Variants in DACH2 observed in about 807,000 individuals in gnomAD.
The protein encoded by DACH2 is dachshund family transcription factor 2.
Under a neutral mutation model 35.8 loss-of-function variants are expected in DACH2, and 17 were observed. The observed-to-expected ratio is 0.48, with a 90% CI of 0.33 to 0.71. The LOEUF (loss-of-function observed/expected upper bound fraction) is 0.71, where lower values mean the gene tolerates loss of function less well. DACH2 is among the 30% of genes least tolerant of loss of function. The pLI is 0.02. For synonymous variants in DACH2, 195 were observed against 177.3 expected, an observed-to-expected ratio of 1.10 and a Z score of -0.79; for missense variants, 469 against 472.7, an observed-to-expected ratio of 0.99 and a Z score of 0.07.
intron 3 of DACH2, among the ~76,000 whole-genome samples, chrX:86,601,629 A>G (rs2039790783): frequency 8.9e-6 from 1 of 112,260 alleles, no homozygotes; most frequent in African/African-American, 3.2e-5. Flanking sequence ...TTGAAAACAC[A>G]AATATAACTG....
At chrX:86,642,842 T>C (rs949505798) in intron 3 of DACH2, among the ~76,000 whole-genome samples, 2 of 111,527 alleles carry the variant, frequency 1.8e-5, no homozygotes, top group African/African-American at 6.5e-5. Context: ...TTAAACAACA[T>C]GCTCCTGAAA....
intron 4 of DACH2, among the ~76,000 whole-genome samples, chrX:86,687,996 C>T (rs1029085992): frequency 2.7e-5 from 3 of 110,264 alleles, no homozygotes; most frequent in Non-Finnish European, 3.8e-5. Context: ...ACCTATGTAA[C>T]AAAGCTGCAC....
At chrX:86,552,970 G>A (rs775770155) in intron 3 of DACH2, among the ~76,000 whole-genome samples, 3 of 111,163 alleles carry the variant, frequency 2.7e-5, no homozygotes, top group African/African-American at 6.5e-5. Flanking sequence ...AGGGATAAGA[G>A]CTTATTTCAA....
intron 2 of DACH2, among the ~76,000 whole-genome samples, chrX:86,498,011 T>C (rs1328751260): frequency 9.0e-6 from 1 of 110,704 alleles, no homozygotes; most frequent in Non-Finnish European, 1.9e-5. Flanking sequence ...AAAAGTCAAT[T>C]ATATACAACC....
intron 1 of DACH2, among the ~76,000 whole-genome samples, chrX:86,290,257 T>G (rs1249931335): frequency 4.8e-5 from 3 of 62,574 alleles, no homozygotes; most frequent in Non-Finnish European, 8.9e-5. Flanking sequence ...TTGCCCAATT[T>G]TTGATGGGGT....
At chrX:86,631,114 A>G in intron 3 of DACH2, among the ~76,000 whole-genome samples, 1 of 112,050 alleles carries the variant, frequency 8.9e-6, no homozygotes, top group Non-Finnish European at 1.9e-5. Context: ...CTCACAGCCA[A>G]AGAATTGAAC....
chrX:86,592,458 A>T (rs1187847528), intron 3 of DACH2, among the ~76,000 whole-genome samples: 1 of 111,971 alleles, frequency 8.9e-6, no homozygotes, highest in Non-Finnish European at 1.9e-5. Flanking sequence ...AGGTGGTATC[A>T]GTCCTCTGAC....
intron 2 of DACH2, among the ~76,000 whole-genome samples, chrX:86,377,894 C>T (rs1408066863): frequency 9.1e-6 from 1 of 110,170 alleles, no homozygotes; most frequent in East Asian, 2.9e-4. Flanking sequence ...CTAAATAATA[C>T]CCAAGTGACC....
chrX:86,505,357 C>T (rs998263528), intron 2 of DACH2, among the ~76,000 whole-genome samples: 1 of 111,841 alleles, frequency 8.9e-6, no homozygotes, highest in Non-Finnish European at 1.9e-5. Flanking sequence ...TAACTATATT[C>T]ACATTGTTGT....
chrX:86,335,587 C>T lies in DACH2; in HGVS notation c.489-41237C>T, dbSNP rs1354148134. 2.7e-5 allele frequency among the ~76,000 whole-genome samples: 3 copies of T among 111,640 alleles called. No homozygotes were observed. In the East Asian group the frequency reaches 8.5e-4, roughly 31 times the overall value. ...TGTATAGGAATGCTTGTGATTTTTG[C>T]ACATTGATTTTGTATCCTGAGACTT... On this transcript the variant is annotated intron_variant, in intron 1 of 11. Transcript: ENST00000373125.
chrX:86,827,867 T>A, intron 11 of DACH2: 1 of 975,536 alleles, frequency 1.0e-6, no homozygotes. Flanking sequence ...GAATTCATAC[T>A]CAAATCCTTA....
chrX:86,211,811 T>G (rs778648053), intron 1 of DACH2, among the ~76,000 whole-genome samples: 2 of 112,004 alleles, frequency 1.8e-5, no homozygotes, highest in South Asian at 7.3e-4. Flanking sequence ...TTCCAAAGTG[T>G]CACTTGTCTA....
intron 7 of DACH2, among the ~76,000 whole-genome samples, chrX:86,741,096 A>G (rs750561456): frequency 5.4e-5 from 6 of 111,288 alleles, no homozygotes; most frequent in Non-Finnish European, 9.4e-5. Context: ...TACAAGGGGG[A>G]AGTTCTTTAA....
intron 4 of DACH2, among the ~76,000 whole-genome samples, chrX:86,663,373 T>C (rs1410438597): frequency 8.9e-6 from 1 of 111,977 alleles, no homozygotes; most frequent in East Asian, 2.8e-4. Context: ...CTCTGAGAAA[T>C]TGTCATGTTT....
At chrX:86,818,210 C>T (rs1453772445) in intron 11 of DACH2, among the ~76,000 whole-genome samples, 2 of 111,370 alleles carry the variant, frequency 1.8e-5, no homozygotes, top group Non-Finnish European at 3.8e-5. Context: ...AATGATAAAG[C>T]CCCTATCATC....
chrX:86,194,257 G>A (rs994989120), intron 1 of DACH2, among the ~76,000 whole-genome samples: 1 of 111,632 alleles, frequency 9.0e-6, no homozygotes, highest in African/African-American at 3.3e-5. Flanking sequence ...GTATATCTTG[G>A]ATAAAATTCT....
chrX:86,343,063 C>A (rs1357066181), intron 1 of DACH2, among the ~76,000 whole-genome samples: 1 of 111,878 alleles, frequency 8.9e-6, no homozygotes, highest in African/African-American at 3.2e-5. Flanking sequence ...GTAAACAGAA[C>A]TTTTGCATGC....
chrX:86,206,832 G>A (rs968270446), intron 1 of DACH2, among the ~76,000 whole-genome samples: 20 of 111,992 alleles, frequency 1.8e-4, no homozygotes, highest in Non-Finnish European at 3.2e-4. Flanking sequence ...ACATGAAATC[G>A]ATGTCAGTAA....
intron 1 of DACH2, among the ~76,000 whole-genome samples, chrX:86,294,773 C>T (rs1221263627): frequency 9.1e-6 from 1 of 109,322 alleles, no homozygotes; most frequent in Non-Finnish European, 1.9e-5. Context: ...AGGCAGTCTG[C>T]CCGTTCTCAG....
Sources: gnomAD v4.1 joint callset for allele counts (sites outside exome capture counted in the v4.1 genomes callset) on GRCh38, gnomAD v4.1.1 for gene constraint, MANE v1.5 for transcripts, NCBI Gene and HGNC (gene_info 2026-07-23, HGNC 2026-07-21) for gene names.